The following STAU2 variants were observed in gnomAD, a reference collection of about 807,000 sequenced individuals.
STAU2 encodes staufen double-stranded RNA binding protein 2, also known as double-stranded RNA-binding protein Staufen homolog 2.
Under a neutral mutation model 65.9 loss-of-function variants are expected in STAU2, and 20 were observed. That is an observed-to-expected ratio of 0.30 (90% CI 0.21 to 0.44). The LOEUF is 0.44. STAU2 is among the 20% of genes least tolerant of loss of function. STAU2 has a pLI of 1.00. For synonymous variants in STAU2, 232 were observed against 233.9 expected, an observed-to-expected ratio of 0.99 and a Z score of 0.07; for missense variants, 558 against 683.9, an observed-to-expected ratio of 0.82 and a Z score of 2.05.
At chr8:73,696,145 C>G (rs1463756069) in intron 4 of STAU2, among the ~76,000 whole-genome samples, 1 of 152,204 alleles carries the variant, frequency 6.6e-6, no homozygotes, top group Non-Finnish European at 1.5e-5. Context: ...CCTGAGAATT[C>G]TTCCGGATCT....
chr8:73,735,665 A>T (rs1320778265), intron 3 of STAU2, among the ~76,000 whole-genome samples: 2 of 152,296 alleles, frequency 1.3e-5, no homozygotes, highest in East Asian at 1.9e-4. Context: ...AGGAATACTC[A>T]ACCTGTACAA....
At chr8:73,497,124 C>G (rs899293575) in intron 13 of STAU2, among the ~76,000 whole-genome samples, 3 of 151,628 alleles carry the variant, frequency 2.0e-5, no homozygotes, top group Admixed American at 6.6e-5. Context: ...CATTAAGAAG[C>G]AAAGAACTGG....
At chr8:73,563,852 G>A (rs1185235401) in intron 12 of STAU2, among the ~76,000 whole-genome samples, 1 of 152,162 alleles carries the variant, frequency 6.6e-6, no homozygotes, top group Non-Finnish European at 1.5e-5. Flanking sequence ...ACACCAGCAA[G>A]ATGGTAGAAC....
chr8:73,542,237 C>G (rs1242275063), intron 13 of STAU2, among the ~76,000 whole-genome samples: 1 of 152,042 alleles, frequency 6.6e-6, no homozygotes, highest in Admixed American at 6.6e-5. Flanking sequence ...AGACAAAACA[C>G]AACATGACAT....
intron 2 of STAU2, among the ~76,000 whole-genome samples, chr8:73,739,437 C>T (rs1806676873): frequency 6.6e-6 from 1 of 151,960 alleles, no homozygotes; most frequent in Admixed American, 6.6e-5. Context: ...TATCTAATCA[C>T]CTGTATAGAA....
chr8:73,456,155 TG>T (rs1458035023), intron 13 of STAU2, among the ~76,000 whole-genome samples: 4 of 83,632 alleles, frequency 4.8e-5, no homozygotes, highest in Admixed American at 3.1e-4. Flanking sequence ...GTTTCTATCT[TG>T]TTGTCATGGA....
chr8:73,443,787 G>A (rs1818323828), intron 13 of STAU2, among the ~76,000 whole-genome samples: 1 of 152,006 alleles, frequency 6.6e-6, no homozygotes, highest in Non-Finnish European at 1.5e-5. Flanking sequence ...GTTTGAGGCT[G>A]CAGTGAGCTG....
chr8:73,599,413 G>GT (rs928305082), intron 10 of STAU2, among the ~76,000 whole-genome samples: 1 of 152,018 alleles, frequency 6.6e-6, no homozygotes, highest in Non-Finnish European at 1.5e-5. Flanking sequence ...CCATATATCA[G>GT]TTTTTTTAAA....
chr8:73,584,613 C>G lies in STAU2; in HGVS notation c.1162-1783G>C, dbSNP rs117814303. On this transcript the variant is annotated intron_variant, in intron 11 of 14. Transcript: ENST00000524300. ...TTCTAACTAGAGGAGAGTAATCATG[C>G]TACCTTTGTACTGCCATTATCAGGA... Among the ~76,000 whole-genome samples the G allele has an allele frequency of 7.7e-3, 1,176 of 152,170 alleles. 12 individuals carry two copies. The highest frequency in any genetic ancestry group is 9.7e-3 in the Non-Finnish European group (662 of 68,020).
chr8:73,658,940 C>CA (rs1333134052), intron 6 of STAU2, among the ~76,000 whole-genome samples: 188 of 51,676 alleles, frequency 3.6e-3, no homozygotes, highest in African/African-American at 8.1e-3. Flanking sequence ...ACAACAAAAA[C>CA]AACAAAAAAA....
At chr8:73,542,835 A>G (rs1420174828) in intron 13 of STAU2, among the ~76,000 whole-genome samples, 1 of 152,200 alleles carries the variant, frequency 6.6e-6, no homozygotes, top group Non-Finnish European at 1.5e-5. Context: ...TGCTGGTAGG[A>G]ATGTAATGTA....
chr8:73,728,905 T>A (rs925990091), intron 3 of STAU2, among the ~76,000 whole-genome samples: 2 of 152,192 alleles, frequency 1.3e-5, no homozygotes, highest in Non-Finnish European at 2.9e-5. Context: ...AATCTGTATG[T>A]CTTTGTTTCT....
intron 6 of STAU2, among the ~76,000 whole-genome samples, chr8:73,632,712 C>T (rs1814191702): frequency 6.6e-6 from 1 of 152,186 alleles, no homozygotes; most frequent in Non-Finnish European, 1.5e-5. Context: ...ATAAGAAATT[C>T]TGGCCAGAAA....
intron 13 of STAU2, among the ~76,000 whole-genome samples, chr8:73,537,178 C>T (rs1806235340): frequency 6.6e-6 from 1 of 151,734 alleles, no homozygotes; most frequent in South Asian, 2.1e-4. Context: ...ATATAAGCTC[C>T]CCAATCTGAA....
chr8:73,688,028 T>TAA (rs144490442), intron 5 of STAU2, among the ~76,000 whole-genome samples: 2 of 146,348 alleles, frequency 1.4e-5, no homozygotes, highest in Non-Finnish European at 3.0e-5. Context: ...ATCTTTACTT[T>TAA]AAAAAAAAAA....
intron 4 of STAU2, among the ~76,000 whole-genome samples, chr8:73,697,878 G>A (rs1001086268): frequency 1.3e-5 from 2 of 152,086 alleles, no homozygotes; most frequent in Admixed American, 1.3e-4. Flanking sequence ...TCAGAAGTTT[G>A]AGACCAGCCT....
At chr8:73,442,910 C>T (rs996863960) in intron 13 of STAU2, among the ~76,000 whole-genome samples, 1 of 152,140 alleles carries the variant, frequency 6.6e-6, no homozygotes, top group Non-Finnish European at 1.5e-5. Context: ...AGATATCACG[C>T]TAAACTTCAT....
At chr8:73,651,452 CG>C in intron 6 of STAU2, 1 of 671,742 alleles carries the variant, frequency 1.5e-6, no homozygotes, top group South Asian at 1.4e-5. Flanking sequence ...GAAACACGAA[CG>C]GCAAATGCAG....
chr8:73,681,924 T>C (rs912472772), intron 5 of STAU2, among the ~76,000 whole-genome samples: 7 of 151,966 alleles, frequency 4.6e-5, no homozygotes, highest in Non-Finnish European at 1.0e-4. Flanking sequence ...AACAGGAAAA[T>C]ATCACAATCC....
Sources: allele counts gnomAD v4.1 joint callset (sites outside exome capture counted in the v4.1 genomes callset), GRCh38; gene constraint gnomAD v4.1.1; transcripts MANE v1.5; gene names NCBI Gene and HGNC (gene_info 2026-07-23, HGNC 2026-07-21).